Variants in BBS9 observed in about 807,000 individuals in gnomAD.
BBS9 encodes the protein Bardet-Biedl syndrome 9.
Under a neutral mutation model 117.7 loss-of-function variants are expected in BBS9, and 89 were observed. That is an observed-to-expected ratio of 0.76 (90% CI 0.64 to 0.90). The LOEUF is 0.90. BBS9 is among the 40% of genes least tolerant of loss of function. The probability of loss-of-function intolerance (pLI) is 0.00; values close to 1 mark genes in which losing one functional copy is unlikely to be tolerated. For missense variants in BBS9, 982 were observed against 1,042.2 expected (o/e 0.94, Z 0.80); for synonymous variants, 379 against 370.9 (o/e 1.02, Z -0.25).
At chr7:33,335,584 T>C (rs1394998285) in intron 9 of BBS9, among the ~76,000 whole-genome samples, 1 of 152,188 alleles carries the variant, frequency 6.6e-6, no homozygotes, top group Non-Finnish European at 1.5e-5. Context: ...TTATGACATG[T>C]TCACAAAAAC....
intron 9 of BBS9, among the ~76,000 whole-genome samples, chr7:33,301,320 A>G (rs1460146756): frequency 6.6e-6 from 1 of 151,992 alleles, no homozygotes; most frequent in Non-Finnish European, 1.5e-5. Context: ...TAATTAAATT[A>G]TTTTTGAGTA....
At chr7:33,522,124 A>G (rs2129043391) in intron 20 of BBS9, among the ~76,000 whole-genome samples, 1 of 151,542 alleles carries the variant, frequency 6.6e-6, no homozygotes, top group East Asian at 1.9e-4. Context: ...TATGTGCCAC[A>G]TTTTCTTAAT....
intron 17 of BBS9, among the ~76,000 whole-genome samples, chr7:33,369,679 G>T (rs1822491951): frequency 1.3e-5 from 2 of 152,192 alleles, no homozygotes; most frequent in Admixed American, 1.3e-4. Context: ...GATGGAGAGA[G>T]ATAGGTATAA....
intron 5 of BBS9, among the ~76,000 whole-genome samples, chr7:33,253,593 G>A (rs1425618388): frequency 1.3e-5 from 2 of 152,156 alleles, no homozygotes; most frequent in Non-Finnish European, 2.9e-5. Flanking sequence ...GCCTGGGCGA[G>A]GGAGCGAGAC....
At chr7:33,240,892 G>A (rs1254862461) in intron 5 of BBS9, among the ~76,000 whole-genome samples, 1 of 151,906 alleles carries the variant, frequency 6.6e-6, no homozygotes, top group Admixed American at 6.6e-5. Context: ...CCATTTATGT[G>A]CCAGCACCCT....
In BBS9 at chr7:33,502,257, T is replaced by A. The variant is rs868448193; in HGVS notation, c.2116-3206T>A. ...TTTCAGATACCTCTTCTCATTGGTG[T>A]GCTAGTAAATAGCTCTCTGGGGAAG... On this transcript the variant is annotated intron_variant, in intron 19 of 22. Transcript: ENST00000242067. 7.2e-5 allele frequency among the ~76,000 whole-genome samples: 11 copies of A among 152,282 alleles called. No homozygotes were observed. The East Asian group carries it at 1.4e-3, about 19-fold the overall frequency.
At chr7:33,302,741 G>A (rs1038167263) in intron 9 of BBS9, among the ~76,000 whole-genome samples, 5 of 152,120 alleles carry the variant, frequency 3.3e-5, no homozygotes, top group African/African-American at 1.2e-4. Flanking sequence ...TTCTTGCTTA[G>A]GATAGCTTTG....
intron 5 of BBS9, among the ~76,000 whole-genome samples, chr7:33,206,420 G>A (rs1786935468): frequency 6.6e-6 from 1 of 152,118 alleles, no homozygotes; most frequent in Admixed American, 6.5e-5. Flanking sequence ...GTTACTGATA[G>A]CTAAGACATT....
At chr7:33,423,980 G>T (rs1159384399) in intron 19 of BBS9, among the ~76,000 whole-genome samples, 4 of 152,134 alleles carry the variant, frequency 2.6e-5, no homozygotes, top group Admixed American at 1.3e-4. Flanking sequence ...TTGGTTTAAA[G>T]GACACTTTTT....
intron 1 of BBS9, among the ~76,000 whole-genome samples, chr7:33,132,187 T>G (rs1789715827): frequency 6.6e-6 from 1 of 152,220 alleles, no homozygotes. Context: ...ATAGTCTACA[T>G]GGAGGGGCGT....
At chr7:33,195,683 A>C (rs1784821917) in intron 5 of BBS9, among the ~76,000 whole-genome samples, 1 of 151,972 alleles carries the variant, frequency 6.6e-6, no homozygotes, top group Non-Finnish European at 1.5e-5. Context: ...AAATTACTTA[A>C]ATTCTCTAAT....
At chr7:33,607,059 C>T (rs186123484), downstream of BBS9, among the ~76,000 whole-genome samples, 57 of 152,236 alleles carry the variant, frequency 3.7e-4, no homozygotes, top group African/African-American at 1.3e-3. Flanking sequence ...TCTCTACATA[C>T]CTCTCTCTTA....
intron 6 of BBS9, among the ~76,000 whole-genome samples, chr7:33,261,089 G>A (rs1440913989): frequency 6.8e-6 from 1 of 146,632 alleles, no homozygotes; most frequent in Non-Finnish European, 1.5e-5. Context: ...CCCACATACT[G>A]TCTATCTCCT....
At chr7:33,190,261 A>G (rs542130270) in intron 5 of BBS9, among the ~76,000 whole-genome samples, 1 of 151,914 alleles carries the variant, frequency 6.6e-6, no homozygotes, top group East Asian at 2.0e-4. Context: ...CTGGGTCCAC[A>G]GGCACCCGCC....
intron 21 of BBS9, 30 bp downstream of exon 21, chr7:33,534,206 C>T (rs748799018): frequency 6.3e-7 from 1 of 1,593,292 alleles, no homozygotes; most frequent in Non-Finnish European, 8.6e-7. Flanking sequence ...TCCCTAATCA[C>T]AATTGTACTT....
At chr7:33,183,725 A>G (rs1356794258) in intron 5 of BBS9, among the ~76,000 whole-genome samples, 1 of 152,212 alleles carries the variant, frequency 6.6e-6, no homozygotes, top group African/African-American at 2.4e-5. Context: ...TGTCCTCCAG[A>G]TGGCTGAGAA....
At chr7:33,408,007 G>A (rs1304794639) in intron 19 of BBS9, among the ~76,000 whole-genome samples, 2 of 152,228 alleles carry the variant, frequency 1.3e-5, no homozygotes, top group Non-Finnish European at 2.9e-5. Flanking sequence ...GGTTACTGCT[G>A]TCTTTTTGTT....
intron 21 of BBS9, among the ~76,000 whole-genome samples, chr7:33,624,065 G>A (rs937034193): frequency 5.3e-5 from 8 of 151,602 alleles, no homozygotes; most frequent in Non-Finnish European, 1.0e-4. Context: ...AACAGAAAAC[G>A]ACATGCCTCT....
chr7:33,190,408 C>T (rs1783931549), intron 5 of BBS9, among the ~76,000 whole-genome samples: 1 of 152,174 alleles, frequency 6.6e-6, no homozygotes, highest in African/African-American at 2.4e-5. Flanking sequence ...CCTGCAGAGG[C>T]CATAATTCTG....
Sources: allele counts gnomAD v4.1 joint callset (sites outside exome capture counted in the v4.1 genomes callset), GRCh38; gene constraint gnomAD v4.1.1; transcripts MANE v1.5; gene names NCBI Gene and HGNC (gene_info 2026-07-23, HGNC 2026-07-21).